The following ZBTB40 variants were observed in gnomAD, a reference collection of about 807,000 sequenced individuals.
ZBTB40 encodes the protein zinc finger and BTB domain containing 40, also known as zinc finger and BTB domain-containing protein 40.
ZBTB40 carries 60 observed loss-of-function variants against 117.5 expected under a neutral mutation model. The observed-to-expected ratio is 0.51, with a 90% confidence interval of 0.41 to 0.63. The LOEUF is 0.63. Among genes scored for constraint, ZBTB40 ranks in the 30% least tolerant of loss-of-function variants. The pLI is 0.00. For synonymous variants in ZBTB40, 525 were observed against 577.1 expected (o/e 0.91, Z 1.29); for missense variants, 1,287 against 1,498.5 (o/e 0.86, Z 2.33).
intron 1 of ZBTB40, among the ~76,000 whole-genome samples, chr1:22,430,466 C>G (rs1640564455): frequency 6.6e-6 from 1 of 152,186 alleles, no homozygotes; most frequent in Non-Finnish European, 1.5e-5. Flanking sequence ...TGGCACACAC[C>G]TGTAGTTTCA....
chr1:22,494,659 C>T (rs552680364), intron 3 of ZBTB40, among the ~76,000 whole-genome samples: 11 of 152,312 alleles, frequency 7.2e-5, no homozygotes, highest in African/African-American at 2.6e-4. Context: ...CTTTCAGTGG[C>T]ATGAGAGGCC....
At chr1:22,492,525 G>A (rs895079550) in intron 3 of ZBTB40, among the ~76,000 whole-genome samples, 7 of 152,192 alleles carry the variant, frequency 4.6e-5, no homozygotes, top group Admixed American at 6.5e-5. Context: ...GCGCTGCCCC[G>A]GCAGGCTTGC....
intron 1 of ZBTB40, among the ~76,000 whole-genome samples, chr1:22,488,194 A>G (rs1638527418): frequency 6.6e-6 from 1 of 152,322 alleles, no homozygotes; most frequent in African/African-American, 2.4e-5. Context: ...TATTCATTCT[A>G]CCAAGTAATC....
chr1:22,497,001 C>T (rs1019535053), intron 3 of ZBTB40, among the ~76,000 whole-genome samples: 4 of 152,182 alleles, frequency 2.6e-5, no homozygotes, highest in Non-Finnish European at 4.4e-5. Context: ...GGCAAACCAC[C>T]GGTGTAAGTC....
rs1639159261 is a variant in ZBTB40, at chr1:22,509,113, A to G, written c.1713A>G (p.Glu571=). Reference sequence around the variant, plus strand: ...CCTTTTTTTCAGTGACCACCCCAGAACATGCCACTTTAGAAACAATCCTGA... The same window carrying G: ...CCTTTTTTTCAGTGACCACCCCAGAGCATGCCACTTTAGAAACAATCCTGA... ...DAFFRAVTTP[E]HATLETILRH... The change falls in exon 9 of 18, where the codon GAA becomes GAG. Residue 571 remains glutamate (E), a synonymous_variant. Coordinates refer to ENST00000375647, the MANE Select transcript of ZBTB40 (RefSeq NM_014870.4). 1 of 1,613,998 alleles carries G rather than the reference A, an allele frequency of 6.2e-7. No individual in the cohort carries two copies. The highest frequency in any genetic ancestry group is 8.5e-7 in the Non-Finnish European group (1 of 1,180,040).
At chr1:22,470,677 T>G (rs1641380948) in intron 1 of ZBTB40, among the ~76,000 whole-genome samples, 1 of 152,144 alleles carries the variant, frequency 6.6e-6, no homozygotes, top group African/African-American at 2.4e-5. Context: ...AAAAGTTATC[T>G]CAAAGACAAA....
At position 22,521,534 on chromosome 1, in the gene ZBTB40, C is replaced by T. The variant is rs771077182; in HGVS notation, c.3087C>T (p.His1029=). 1 of 1,614,238 alleles carries T rather than the reference C, an allele frequency of 6.2e-7. No individual in the cohort carries two copies. Residue 1029 remains histidine (H), a synonymous_variant, in exon 15 of 18, where the codon CAC becomes CAT. Coordinates refer to ENST00000375647, the MANE Select transcript of ZBTB40 (RefSeq NM_014870.4). ...SGLWYHNRTH[H]PDVFAAQNHR... is the part of the protein sequence containing the mutation. Reference sequence around the variant, plus strand: ...TGTGGTACCACAATCGAACCCACCACCCTGACGTATTTGCTGCTCAGAACC... The same window carrying T: ...TGTGGTACCACAATCGAACCCACCATCCTGACGTATTTGCTGCTCAGAACC...
rs565063254 is a variant in ZBTB40 at position 22,475,722 on chromosome 1, G to A, written c.-69-14158G>A. On this transcript the variant is annotated intron_variant, in intron 1 of 17. Coordinates refer to ENST00000375647, the MANE Select transcript of ZBTB40 (RefSeq NM_014870.4). The stretch of plus-strand genomic sequence containing the variant: ...AAGAGTTCTCTTTTCAATCATTCCA[G>A]TGTTGGATTCAGGATTGGATTACCA... Among the ~76,000 whole-genome samples, 25 of 152,248 alleles carry A rather than the reference G, an allele frequency of 1.6e-4. 2 individuals carry two copies. The South Asian group carries it at 5.0e-3, about 30-fold the overall frequency.
At chr1:22,484,489 A>G (rs1019585030) in intron 1 of ZBTB40, among the ~76,000 whole-genome samples, 1 of 152,158 alleles carries the variant, frequency 6.6e-6, no homozygotes, top group Non-Finnish European at 1.5e-5. Flanking sequence ...TTGTATATTA[A>G]CCTTATGTCT....
At chr1:22,471,209 A>T (rs1477257626) in intron 1 of ZBTB40, among the ~76,000 whole-genome samples, 3 of 152,050 alleles carry the variant, frequency 2.0e-5, no homozygotes, top group African/African-American at 7.2e-5. Flanking sequence ...GGCCTATTCC[A>T]ATAGCACTCT....
At chr1:22,480,461 C>G (rs947485601) in intron 1 of ZBTB40, among the ~76,000 whole-genome samples, 2 of 152,114 alleles carry the variant, frequency 1.3e-5, no homozygotes, top group Non-Finnish European at 2.9e-5. Context: ...CCAGGTCTTC[C>G]TCATGTGGTT....
At chr1:22,480,186 G>A (rs538324514) in intron 1 of ZBTB40, among the ~76,000 whole-genome samples, 34 of 152,190 alleles carry the variant, frequency 2.2e-4, no homozygotes, top group Admixed American at 2.0e-3. Context: ...GATTACAGGC[G>A]TGAGCCACTG....
chr1:22,524,279 G>C lies in ZBTB40; in HGVS notation c.3360G>C (p.Gln1120His). The C allele has an allele frequency of 6.2e-7, 1 of 1,614,156 alleles. No individual in the cohort carries two copies. The highest frequency in any genetic ancestry group is 8.5e-7 in the Non-Finnish European group (1 of 1,180,048). Residue 1120 changes from glutamine to histidine, a missense_variant, in exon 17 of 18, where the codon CAG becomes CAC. Coordinates refer to ENST00000375647, the MANE Select transcript of ZBTB40 (RefSeq NM_014870.4). ...AATFRFPGAL[Q>H]HHVTTEHFKQ... ...CTTTCCGTTTTCCTGGAGCATTGCA[G>C]CACCATGTCACCACGGAGCACTTCA...
intron 1 of ZBTB40, among the ~76,000 whole-genome samples, chr1:22,431,384 G>GTGTGTA (rs1222294324): frequency 2.1e-4 from 25 of 119,698 alleles, no homozygotes; most frequent in African/African-American, 8.2e-4. Flanking sequence ...GTGTGTGTGT[G>GTGTGTA]TATATATATA....
chr1:22,522,793 TCTCA>T (rs1384407256), intron 16 of ZBTB40, among the ~76,000 whole-genome samples: 2 of 149,520 alleles, frequency 1.3e-5, no homozygotes, highest in Admixed American at 6.7e-5. Flanking sequence ...TGAGACAGAG[TCTCA>T]CTCTGTCACC....
rs903454564 is a variant in ZBTB40 at position 22,511,926 on chromosome 1, A to G, written c.2253A>G (p.Leu751=). 6 of 1,614,218 alleles carry G rather than the reference A, an allele frequency of 3.7e-6. No homozygotes were observed. Among genetic ancestry groups the G allele is most frequent in the Non-Finnish European group, 5.1e-6 (6 of 1,180,044 alleles). The part of the protein sequence containing the change: ...CDKSFHFYCR[L]KVHMKRCRVA... ...AAAGCTTCCATTTCTACTGCCGCCT[A>G]AAGGTGCACATGAAGCGCTGCCGGG... Residue 751 remains leucine, a synonymous_variant, in exon 11 of 18, where the codon CTA becomes CTG. Transcript: ENST00000375647.
chr1:22,434,550 T>G (rs755738559), intron 1 of ZBTB40, among the ~76,000 whole-genome samples: 2 of 152,222 alleles, frequency 1.3e-5, no homozygotes, highest in African/African-American at 2.4e-5. Context: ...TACTTTAATG[T>G]CTACAATTTT....
chr1:22,487,671 A>C (rs1638508420), intron 1 of ZBTB40, among the ~76,000 whole-genome samples: 1 of 151,686 alleles, frequency 6.6e-6, no homozygotes. Flanking sequence ...TTTTCTCCTG[A>C]TCTCCTGCAA....
intron 17 of ZBTB40, among the ~76,000 whole-genome samples, chr1:22,525,776 C>T (rs553890441): frequency 6.6e-6 from 1 of 152,218 alleles, no homozygotes; most frequent in Non-Finnish European, 1.5e-5. Flanking sequence ...AGAGAGGCTG[C>T]CCCGGGCCCA....
Sources: gnomAD v4.1 joint callset for allele counts (sites outside exome capture counted in the v4.1 genomes callset) on GRCh38, gnomAD v4.1.1 for gene constraint, MANE v1.5 for transcripts, NCBI Gene and HGNC (gene_info 2026-07-23, HGNC 2026-07-21) for gene names.